ENTPD1: variants seen among roughly 807,000 people sequenced by gnomAD.
ENTPD1 encodes the protein ATP diphosphohydrolase.
Under a neutral mutation model 57.0 loss-of-function variants are expected in ENTPD1, and 33 were observed. The ratio of observed to expected loss-of-function variants is 0.58; its 90% CI spans 0.44 to 0.77. ENTPD1 has a LOEUF of 0.77. Among genes scored for constraint, ENTPD1 ranks in the 30% least tolerant of loss-of-function variants. ENTPD1 has a pLI of 0.00. For missense variants in ENTPD1, 501 were observed against 603.4 expected, an observed-to-expected ratio of 0.83 and a Z score of 1.78; for synonymous variants, 202 against 218.8, an observed-to-expected ratio of 0.92 and a Z score of 0.68.
chr10:95,856,374 A>T (rs1243910088), intron 7 of ENTPD1, among the ~76,000 whole-genome samples: 1 of 152,168 alleles, frequency 6.6e-6, no homozygotes, highest in East Asian at 1.9e-4. Flanking sequence ...GTGTAAAGGG[A>T]ACACTTTTGC....
At chr10:95,715,465 G>A (rs748263884) in intron 1 of ENTPD1, among the ~76,000 whole-genome samples, 5 of 150,592 alleles carry the variant, frequency 3.3e-5, no homozygotes, top group Non-Finnish European at 5.9e-5. Context: ...TAGGCAACAT[G>A]TAGTTAGATC....
At position 95,872,509 on chromosome 10, in the gene ENTPD1, C is replaced by G; in HGVS notation, c.*6126C>G. 1.0e-6 allele frequency: 1 copy of G among 984,728 alleles called. No individual in the cohort carries two copies. The highest frequency in any genetic ancestry group is 1.2e-6 in the Non-Finnish European group (1 of 829,290). The allele number at this position is 984,728 out of a possible 1,614,324, so 61.0% of individuals were successfully genotyped here. The stretch of plus-strand genomic sequence containing the variant: ...TCAAATGCCCCTTCATTTGTGAAGC[C>G]TTCTCCAAATTTCCAAGTCAGAATG... On this transcript the variant is annotated 3_prime_UTR_variant, in exon 10 of 10. Transcript: ENST00000371205.
At chr10:95,850,789 G>A (rs902978532) in intron 7 of ENTPD1, among the ~76,000 whole-genome samples, 9 of 152,156 alleles carry the variant, frequency 5.9e-5, no homozygotes, top group Non-Finnish European at 1.2e-4. Flanking sequence ...CTGTTATCGA[G>A]TCCTGCCTCT....
intron 1 of ENTPD1, among the ~76,000 whole-genome samples, chr10:95,822,167 T>C (rs878858925): frequency 6.6e-6 from 1 of 151,074 alleles, no homozygotes; most frequent in South Asian, 2.1e-4. Context: ...GCCCATCTAA[T>C]TTTTGTATTT....
At chr10:95,700,788 G>A in the ENTPD1 span, among the ~76,000 whole-genome samples, 1 of 151,502 alleles carries the variant, frequency 6.6e-6, no homozygotes, top group Non-Finnish European at 1.5e-5. Context: ...CTATTAAGAA[G>A]TATATTCTTT....
chr10:95,816,900 T>A (rs1305242102), intron 1 of ENTPD1, among the ~76,000 whole-genome samples: 2 of 152,200 alleles, frequency 1.3e-5, no homozygotes, highest in Non-Finnish European at 2.9e-5. Flanking sequence ...GCATTTAAAG[T>A]GCTAAGAGTA....
chr10:95,783,330 G>A (rs1399744090), intron 1 of ENTPD1, among the ~76,000 whole-genome samples: 2 of 152,076 alleles, frequency 1.3e-5, no homozygotes, highest in Non-Finnish European at 2.9e-5. Flanking sequence ...ACATGAGACT[G>A]GAAAGCAAAT....
rs781390792 is a variant in ENTPD1 at position 95,791,152 on chromosome 10, T to G, written c.17-32085T>G. ...GTAGGTTTTACTAGACCCGTAGCCCTCAGTATGAGTATCTAAAATGATGAG... is the reference window on the plus strand; with the variant it reads ...GTAGGTTTTACTAGACCCGTAGCCCGCAGTATGAGTATCTAAAATGATGAG... On this transcript the variant is annotated intron_variant, in intron 1 of 9. Transcript: ENST00000371205. This position sits in a 1 kb window ranked among gnomAD's most constrained non-coding sequence, Gnocchi z 4.1. Among the ~76,000 whole-genome samples the G allele has an allele frequency of 3.4e-4, 52 of 152,208 alleles. No individual in the cohort carries two copies. The highest frequency in any genetic ancestry group is 5.0e-4 in the Non-Finnish European group (34 of 68,040).
At position 95,876,176 on chromosome 10, in the gene ENTPD1, G is replaced by A. The variant is rs2098485575; in HGVS notation, c.*9793G>A. 1.0e-6 allele frequency: 1 copy of A among 984,114 alleles called. No homozygotes were observed. The highest frequency in any genetic ancestry group is 6.2e-5 in the Admixed American group (1 of 16,254). 61.0% of individuals were successfully genotyped at this position (984,114 alleles called of 1,614,324 possible). On this transcript the variant is annotated 3_prime_UTR_variant, in exon 10 of 10. Transcript: ENST00000371205. ...AAATGCAACATTTGTACTCCACATT[G>A]TCAGTTTTCTTAGGTATATTTATAA...
At chr10:95,864,468 CT>C (rs2098470544) in intron 8 of ENTPD1, among the ~76,000 whole-genome samples, 2 of 152,304 alleles carry the variant, frequency 1.3e-5, no homozygotes, top group African/African-American at 2.4e-5. Context: ...ACAGGAACTA[CT>C]TTTTTCCTGG....
Position 95,871,329 on chromosome 10 carries a change from G to T in ENTPD1, c.*4946G>T. On this transcript the variant is annotated 3_prime_UTR_variant, in exon 10 of 10. Coordinates refer to ENST00000371205, the MANE Select transcript of ENTPD1 (RefSeq NM_001776.6). ...CAAAGAAATATTATCTTTAAAAAAT[G>T]TCATTACTTCTAAGACATCATCAGT... 1.0e-6 allele frequency: 1 copy of T among 985,340 alleles called. No homozygotes were observed. Among genetic ancestry groups the T allele is most frequent in the South Asian group, 4.7e-5 (1 of 21,286 alleles). 61.0% of individuals were successfully genotyped at this position (985,340 alleles called of 1,614,324 possible).
intron 1 of ENTPD1, among the ~76,000 whole-genome samples, chr10:95,816,962 G>T (rs1455173332): frequency 6.6e-6 from 1 of 152,186 alleles, no homozygotes; most frequent in Non-Finnish European, 1.5e-5. Context: ...CGTGTTGTTA[G>T]CTCATTGAAC....
chr10:95,813,302 A>G (rs1342440106), intron 1 of ENTPD1, among the ~76,000 whole-genome samples: 1 of 152,216 alleles, frequency 6.6e-6, no homozygotes, highest in African/African-American at 2.4e-5. Context: ...ATATTTATGA[A>G]GGGAGAACCA....
In ENTPD1 at chr10:95,791,920, G is replaced by T. The variant is rs2098205748; in HGVS notation, c.17-31317G>T. 6.6e-6 allele frequency among the ~76,000 whole-genome samples: 1 copy of T among 152,108 alleles called. No individual in the cohort carries two copies. The highest frequency in any genetic ancestry group is 1.5e-5 in the Non-Finnish European group (1 of 68,020). On this transcript the variant is annotated intron_variant, in intron 1 of 9. Transcript: ENST00000371205. This position sits in a 1 kb window ranked among gnomAD's most constrained non-coding sequence, Gnocchi z 4.1. The stretch of plus-strand genomic sequence containing the variant: ...AATCATGTTCATGGGGGGTATTTTA[G>T]AAGTCAGCATGGTGGAAAACCTGAA...
At chr10:95,837,334 A>C (rs2098412385) in intron 2 of ENTPD1, among the ~76,000 whole-genome samples, 1 of 152,202 alleles carries the variant, frequency 6.6e-6, no homozygotes, top group Non-Finnish European at 1.5e-5. Context: ...GAAACAACAG[A>C]ATTTTCTGCC....
chr10:95,694,926 T>A, the ENTPD1 span, among the ~76,000 whole-genome samples: 1 of 115,048 alleles, frequency 8.7e-6, no homozygotes, highest in Non-Finnish European at 1.7e-5. Context: ...TTTGAGACGG[T>A]GTTTCGCTCT....
At chr10:95,760,308 G>T (rs2098051377) in intron 1 of ENTPD1, among the ~76,000 whole-genome samples, 1 of 152,192 alleles carries the variant, frequency 6.6e-6, no homozygotes, top group Non-Finnish European at 1.5e-5. Flanking sequence ...TGGTGCCCAT[G>T]GCAAGCCCCT....
At position 95,760,860 on chromosome 10, in the gene ENTPD1, C is replaced by T. The variant is rs185327971; in HGVS notation, c.16+4605C>T. ...TTTTTTTTTTTTTGAGACGGAGTCT[C>T]GCTTTGTCGCCCAGGCTGGAGTGCA... On this transcript the variant is annotated intron_variant, in intron 1 of 9. Coordinates refer to ENST00000371205, the MANE Select transcript of ENTPD1 (RefSeq NM_001776.6). 2.5e-3 allele frequency among the ~76,000 whole-genome samples: 271 copies of T among 107,692 alleles called. 4 individuals carry two copies. The East Asian group carries it at 0.054, about 21-fold the overall frequency. 70.7% of individuals were successfully genotyped at this position (107,692 alleles called of 152,430 possible). A position where few individuals can be genotyped will look rare whatever the true frequency, so the allele number is the denominator to read the frequency against.
chr10:95,829,748 T>C (rs1401732233), intron 2 of ENTPD1, among the ~76,000 whole-genome samples: 1 of 152,192 alleles, frequency 6.6e-6, no homozygotes, highest in African/African-American at 2.4e-5. Context: ...TCTTAAGTGC[T>C]ATGGCTTGAA....
Sources: gnomAD v4.1 joint callset for allele counts (sites outside exome capture counted in the v4.1 genomes callset) on GRCh38, gnomAD v4.1.1 for gene constraint, Gnocchi (gnomAD v3.1) non-coding constraint, MANE v1.5 for transcripts, NCBI Gene and HGNC (gene_info 2026-07-23, HGNC 2026-07-21) for gene names.